SORCS2: variants seen among roughly 807,000 people sequenced by gnomAD.
SORCS2 encodes VPS10 domain-containing receptor SorCS2.
Under a neutral mutation model 141.6 loss-of-function variants are expected in SORCS2, and 100 were observed. That is an observed-to-expected ratio of 0.71 (90% CI 0.60 to 0.83). The LOEUF is 0.83. Ranked by LOEUF, SORCS2 falls within the 40% of genes least tolerant of loss-of-function variation. SORCS2 has a pLI of 0.00. For synonymous variants in SORCS2, 789 were observed against 676.9 expected (o/e 1.17, Z -2.57); for missense variants, 1,646 against 1,560.2 (o/e 1.05, Z -0.93).
chr4:7,542,586 C>T (rs980917341), intron 3 of SORCS2, among the ~76,000 whole-genome samples: 1 of 152,172 alleles, frequency 6.6e-6, no homozygotes, highest in African/African-American at 2.4e-5. Context: ...TCTCCCAGAG[C>T]CTTCGGGAAG....
intron 2 of SORCS2, among the ~76,000 whole-genome samples, chr4:7,511,700 C>T (rs1198512979): frequency 6.6e-6 from 1 of 152,152 alleles, no homozygotes; most frequent in Non-Finnish European, 1.5e-5. Flanking sequence ...TGGGTGAAGG[C>T]TGCTGCAGCT....
At chr4:7,322,332 G>GT (rs1718948254) in intron 1 of SORCS2, among the ~76,000 whole-genome samples, 1 of 152,194 alleles carries the variant, frequency 6.6e-6, no homozygotes, top group Non-Finnish European at 1.5e-5. Flanking sequence ...GCCCTGGCAT[G>GT]CAGCTGCTGT....
chr4:7,313,997 A>G (rs1718374548), intron 1 of SORCS2, among the ~76,000 whole-genome samples: 1 of 152,224 alleles, frequency 6.6e-6, no homozygotes, highest in Non-Finnish European at 1.5e-5. Flanking sequence ...ATTCGGGGAC[A>G]TGCCTGTGTG....
chr4:7,463,581 G>C (rs537622791), intron 2 of SORCS2, among the ~76,000 whole-genome samples: 1 of 152,132 alleles, frequency 6.6e-6, no homozygotes, highest in South Asian at 2.1e-4. Context: ...CCTTCTCCAC[G>C]TCTCTGTTAA....
At chr4:7,270,992 G>A (rs1204636704) in intron 1 of SORCS2, among the ~76,000 whole-genome samples, 1 of 152,214 alleles carries the variant, frequency 6.6e-6, no homozygotes, top group Admixed American at 6.5e-5. Context: ...GCACTGGGCA[G>A]GCATATGAAA....
chr4:7,699,640 G>A (rs1331325565), intron 12 of SORCS2, among the ~76,000 whole-genome samples: 1 of 152,166 alleles, frequency 6.6e-6, no homozygotes, highest in East Asian at 1.9e-4. Flanking sequence ...CAGGGAAGGG[G>A]GCTGCAGCCA....
chr4:7,480,507 T>C (rs12508570), intron 2 of SORCS2, among the ~76,000 whole-genome samples: 11,416 of 151,934 alleles, frequency 0.075, 695 homozygotes, highest in South Asian at 0.25. Flanking sequence ...GTGCTGGGAG[T>C]GCAGGCTGTG....
In SORCS2 at chr4:7,201,789, G is replaced by C. The variant is rs114363358; in HGVS notation, c.480+8663G>C. ...AGTCGCTAGTTTGGGTGGGTGCTCT[G>C]TGGATTGCAGGGATGCCGATGACCT... On this transcript the variant is annotated intron_variant, in intron 1 of 26. Coordinates refer to ENST00000507866, the MANE Select transcript of SORCS2 (RefSeq NM_020777.3). This position sits in a 1 kb window ranked among gnomAD's most constrained non-coding sequence, Gnocchi z 4.4. 0.023 allele frequency among the ~76,000 whole-genome samples: 3,437 copies of C among 152,270 alleles called. 118 individuals are homozygous for C. Among genetic ancestry groups the C allele is most frequent in the African/African-American group, 0.077 (3,203 of 41,538 alleles).
chr4:7,601,136 A>C (rs534355481), intron 3 of SORCS2, among the ~76,000 whole-genome samples: 17 of 152,254 alleles, frequency 1.1e-4, no homozygotes, highest in Non-Finnish European at 1.9e-4. Flanking sequence ...TTATCCTAGA[A>C]GTTTTAATAG....
At chr4:7,722,975 G>A (rs1726696125) in intron 18 of SORCS2, among the ~76,000 whole-genome samples, 1 of 152,132 alleles carries the variant, frequency 6.6e-6, no homozygotes, top group African/African-American at 2.4e-5. Flanking sequence ...GAGGAAGGGA[G>A]GGAGGGAGAA....
At chr4:7,522,155 G>A (rs1018481409) in intron 2 of SORCS2, among the ~76,000 whole-genome samples, 4 of 152,210 alleles carry the variant, frequency 2.6e-5, no homozygotes, top group Admixed American at 6.5e-5. Context: ...GCTTGCAGGC[G>A]GGTGCTGCCT....
At chr4:7,278,410 G>A (rs965501491) in intron 1 of SORCS2, among the ~76,000 whole-genome samples, 3 of 152,146 alleles carry the variant, frequency 2.0e-5, no homozygotes, top group Non-Finnish European at 4.4e-5. Context: ...GAGAGGGGGT[G>A]GGGGGCAGAC....
chr4:7,589,427 G>C (rs542463103), intron 3 of SORCS2, among the ~76,000 whole-genome samples: 1 of 152,018 alleles, frequency 6.6e-6, no homozygotes, highest in Admixed American at 6.6e-5. Context: ...TTTTGAGACA[G>C]AGTCTCGCTC....
chr4:7,533,426 AGAG>A (rs1317323546), intron 3 of SORCS2, among the ~76,000 whole-genome samples: 1 of 152,130 alleles, frequency 6.6e-6, no homozygotes. Flanking sequence ...AGCTGGCAAT[AGAG>A]GAGGCCACGC....
chr4:7,367,753 G>A (rs1299626061), intron 1 of SORCS2, among the ~76,000 whole-genome samples: 1 of 152,256 alleles, frequency 6.6e-6, no homozygotes, highest in Non-Finnish European at 1.5e-5. Flanking sequence ...AATTCACGCA[G>A]TTTATTTTTA....
At chr4:7,376,680 T>C (rs1722677690) in intron 1 of SORCS2, among the ~76,000 whole-genome samples, 1 of 152,258 alleles carries the variant, frequency 6.6e-6, no homozygotes, top group Non-Finnish European at 1.5e-5. Flanking sequence ...CGCATGTCTA[T>C]GTGTCCATAC....
At chr4:7,718,264 G>A (rs939669701) in intron 18 of SORCS2, 81 bp downstream of exon 18, 5 of 1,503,288 alleles carry the variant, frequency 3.3e-6, no homozygotes, top group African/African-American at 2.8e-5. Flanking sequence ...GCACGGTGAG[G>A]GTGTCTCCTC....
intron 18 of SORCS2, among the ~76,000 whole-genome samples, chr4:7,720,949 C>T (rs1553807259): frequency 2.0e-5 from 3 of 152,248 alleles, no homozygotes; most frequent in Non-Finnish European, 4.4e-5. Context: ...ACGAACTCAA[C>T]ATGCAACGAC....
At chr4:7,229,471 G>A (rs1299370179) in intron 1 of SORCS2, among the ~76,000 whole-genome samples, 3 of 152,174 alleles carry the variant, frequency 2.0e-5, no homozygotes, top group Non-Finnish European at 2.9e-5. Flanking sequence ...GTCTTGTAAA[G>A]TTGGCCTGCC....
Sources: allele counts gnomAD v4.1 joint callset (sites outside exome capture counted in the v4.1 genomes callset), GRCh38; gene constraint gnomAD v4.1.1; non-coding constraint Gnocchi (gnomAD v3.1); transcripts MANE v1.5; gene names NCBI Gene and HGNC (gene_info 2026-07-23, HGNC 2026-07-21).